COL28A1: variants seen among roughly 807,000 people sequenced by gnomAD.
COL28A1 encodes collagen type XXVIII alpha 1 chain, also known as collagen alpha-1(XXVIII) chain.
COL28A1 carries 161 observed loss-of-function variants against 150.2 expected under a neutral mutation model. The ratio of observed to expected loss-of-function variants is 1.07; its 90% CI spans 0.94 to 1.22. The LOEUF (loss-of-function observed/expected upper bound fraction) is 1.22, where lower values mean the gene tolerates loss of function less well. Among genes scored for constraint, COL28A1 ranks in the 50% most tolerant of loss-of-function variants. The pLI, the probability that COL28A1 is intolerant of heterozygous loss-of-function variation, is 0.00. For missense variants in COL28A1, 1,617 were observed against 1,388.3 expected (o/e 1.16, Z -2.62); for synonymous variants, 552 against 469.7 (o/e 1.18, Z -2.26).
At chr7:7,401,018 G>A (rs1436544158) in intron 27 of COL28A1, among the ~76,000 whole-genome samples, 1 of 149,056 alleles carries the variant, frequency 6.7e-6, no homozygotes, top group African/African-American at 2.5e-5. Flanking sequence ...GTGTGTGTGT[G>A]TGTGTGTACA....
intron 9 of COL28A1, among the ~76,000 whole-genome samples, chr7:7,509,552 G>C (rs192654334): frequency 1.1e-4 from 16 of 152,066 alleles, no homozygotes; most frequent in Admixed American, 9.8e-4. Context: ...TCAGTTCTAA[G>C]GCACATTTTT....
chr7:7,477,572 T>A (rs1379595390), intron 13 of COL28A1, among the ~76,000 whole-genome samples: 1 of 152,176 alleles, frequency 6.6e-6, no homozygotes, highest in Non-Finnish European at 1.5e-5. Flanking sequence ...AGGCAGCGCG[T>A]CCAGAGTTTG....
At position 7,511,094 on chromosome 7, in the gene COL28A1, G is replaced by T; in HGVS notation, c.924C>A (p.Asp308Glu). The T allele has an allele frequency of 6.2e-7, 1 of 1,612,914 alleles. No homozygotes were observed. Among genetic ancestry groups the T allele is most frequent in the Non-Finnish European group, 8.5e-7 (1 of 1,179,142 alleles). ...GECGKPGIKG[D>E]KGSPGPYGPK... ...AGTTTAAAAACATGTTCCTTACCTT[G>T]TCACCTTTTATCCCTGGTTTACCAC... The change falls in exon 9 of 35, where the codon GAC becomes GAA. Residue 308 changes from aspartate (D) to glutamate (E), a missense_variant. Asp to Glu is a conservative substitution (Grantham distance 45). Transcript: ENST00000399429.
At chr7:7,528,253 T>A (rs1040278025) in intron 3 of COL28A1, among the ~76,000 whole-genome samples, 2 of 152,220 alleles carry the variant, frequency 1.3e-5, no homozygotes, top group African/African-American at 2.4e-5. Context: ...TATCCTCTCT[T>A]ACTCTTCTAC....
rs145024491 is a variant in COL28A1, at chr7:7,441,457, A to G, written c.1651-596T>C. Among the ~76,000 whole-genome samples the G allele has an allele frequency of 5.3e-3, 811 of 152,068 alleles. 4 individuals carry two copies. Among genetic ancestry groups the G allele is most frequent in the African/African-American group, 0.017 (724 of 41,472 alleles). On this transcript the variant is annotated intron_variant, in intron 20 of 34. Coordinates refer to ENST00000399429, the MANE Select transcript of COL28A1 (RefSeq NM_001037763.3). The stretch of plus-strand genomic sequence containing the variant: ...TCCCAAAAGAATTCCTTTACCTTCA[A>G]AACTATCTTTCAACTAGGGTTCAAC...
intron 9 of COL28A1, among the ~76,000 whole-genome samples, chr7:7,510,328 A>G (rs1394475382): frequency 6.6e-6 from 1 of 152,196 alleles, no homozygotes; most frequent in African/African-American, 2.4e-5. Context: ...TCTGTCACCC[A>G]GGCTGGAGTG....
At chr7:7,435,361 T>A (rs1785267504) in intron 23 of COL28A1, among the ~76,000 whole-genome samples, 1 of 152,240 alleles carries the variant, frequency 6.6e-6, no homozygotes, top group Non-Finnish European at 1.5e-5. Context: ...TCTATATAGC[T>A]TGTGTTTCTA....
At chr7:7,383,240 C>CT (rs145169411) in intron 27 of COL28A1, among the ~76,000 whole-genome samples, 17 of 144,620 alleles carry the variant, frequency 1.2e-4, no homozygotes, top group Admixed American at 3.5e-4. Context: ...AATAATACAT[C>CT]TTTTTTTTGT....
Position 7,420,454 on chromosome 7 carries a change from G to C in COL28A1, c.1999-501C>G, listed in dbSNP as rs533167847. 3.3e-5 allele frequency: 5 copies of C among 152,534 alleles called. No individual in the cohort carries two copies. In the East Asian group the frequency reaches 9.6e-4, roughly 29 times the overall value. The allele number at this position is 152,534 out of a possible 1,614,324, so 9.4% of individuals were successfully genotyped here. ...AGCTGGCAACTATTACCAGAAAATTGGTGGTACCTGATGAGGGTAGGTGAC... is the reference window on the plus strand; with the variant it reads ...AGCTGGCAACTATTACCAGAAAATTCGTGGTACCTGATGAGGGTAGGTGAC... On this transcript the variant is annotated intron_variant, in intron 25 of 34. Coordinates refer to ENST00000399429, the MANE Select transcript of COL28A1 (RefSeq NM_001037763.3).
the COL28A1 span, among the ~76,000 whole-genome samples, chr7:7,345,131 A>G: frequency 5.9e-5 from 9 of 152,104 alleles, no homozygotes; most frequent in Non-Finnish European, 1.3e-4. Context: ...ATGTTATTTT[A>G]TTAACAACCC....
intron 12 of COL28A1, among the ~76,000 whole-genome samples, 173 bp downstream of exon 12, chr7:7,490,405 G>A (rs906701296): frequency 6.6e-6 from 1 of 152,148 alleles, no homozygotes; most frequent in African/African-American, 2.4e-5. Context: ...TTATTCTTGT[G>A]GTAACTGCCC....
intron 15 of COL28A1, among the ~76,000 whole-genome samples, chr7:7,459,408 AGAGAT>A (rs1387275339): frequency 6.6e-6 from 1 of 152,246 alleles, no homozygotes; most frequent in African/African-American, 2.4e-5. Context: ...AACAGCTAGA[AGAGAT>A]AACTACCAGC....
At chr7:7,376,072 C>T (rs752037702) in intron 30 of COL28A1, among the ~76,000 whole-genome samples, 2 of 152,122 alleles carry the variant, frequency 1.3e-5, no homozygotes, top group East Asian at 1.9e-4. Context: ...TCCTGAACGC[C>T]CTTTTCTTGT....
chr7:7,411,067 G>T (rs1562575556), intron 27 of COL28A1, among the ~76,000 whole-genome samples: 1 of 152,136 alleles, frequency 6.6e-6, no homozygotes, highest in Non-Finnish European at 1.5e-5. Flanking sequence ...CCAGGCAGAA[G>T]GTTGGCAGGC....
chr7:7,510,992 G>A, intron 9 of COL28A1, 99 bp downstream of exon 9: 1 of 909,066 alleles, frequency 1.1e-6, no homozygotes, highest in Non-Finnish European at 1.8e-6. Flanking sequence ...TCCAACTCTA[G>A]TAGTGAGATC....
chr7:7,524,014 T>G (rs141998657), intron 4 of COL28A1, among the ~76,000 whole-genome samples: 4 of 152,350 alleles, frequency 2.6e-5, no homozygotes, highest in African/African-American at 9.6e-5. Flanking sequence ...TGGAGTCACA[T>G]TCAATATTTC....
chr7:7,437,380 C>A lies in COL28A1; in HGVS notation c.1791+14G>T, dbSNP rs1189123393. On this transcript the variant is annotated intron_variant, in intron 22 of 34. Transcript: ENST00000399429. ...AGGGTCAAGAAAAAGAAAATAATCT[C>A]CAAGAATATATACCTTTGGCCCAGG... 2 of 1,603,528 alleles carry A rather than the reference C, an allele frequency of 1.2e-6. No homozygotes were observed. Among genetic ancestry groups the A allele is most frequent in the Non-Finnish European group, 1.7e-6 (2 of 1,176,454 alleles).
At chr7:7,480,834 G>GC (rs961830385) in intron 13 of COL28A1, among the ~76,000 whole-genome samples, 12 of 152,132 alleles carry the variant, frequency 7.9e-5, no homozygotes, top group African/African-American at 2.9e-4. Flanking sequence ...TGAGGTTCAA[G>GC]CCCCAGCTCT....
chr7:7,413,795 T>C (rs147856124), intron 27 of COL28A1, among the ~76,000 whole-genome samples: 43 of 152,326 alleles, frequency 2.8e-4, no homozygotes, highest in African/African-American at 9.6e-4. Context: ...GGGTCAGTCA[T>C]ATTCAAGCCT....
Sources: gnomAD v4.1 joint callset for allele counts (sites outside exome capture counted in the v4.1 genomes callset) on GRCh38, gnomAD v4.1.1 for gene constraint, MANE v1.5 for transcripts, NCBI Gene and HGNC (gene_info 2026-07-23, HGNC 2026-07-21) for gene names.